ZNF577: variants seen among roughly 807,000 people sequenced by gnomAD.
ZNF577 encodes the protein zinc finger protein 577.
A neutral mutation model predicts 13.9 loss-of-function variants in ZNF577; 14 were observed. The observed-to-expected ratio is 1.00, with a 90% CI of 0.66 to 1.57. ZNF577 has a LOEUF of 1.57. ZNF577 is among the 40% of genes most tolerant of loss of function. The pLI is 0.00. For synonymous variants in ZNF577, 203 were observed against 202.9 expected (o/e 1.00, Z 0.00); for missense variants, 555 against 579.2 (o/e 0.96, Z 0.43).
At position 51,857,330 on chromosome 19, in the gene ZNF577, AAAG is replaced by A. The variant is rs1347791605; in HGVS notation, c.284-12402_284-12400del. On this transcript the variant is annotated intron_variant and NMD_transcript_variant, in intron 5 of 10. Coordinates refer to the ZNF577 transcript ENST00000638827. ...AAGAAAGGAAGGAAAAGAAAAGGAG[AAAG>A]GAGAGAAAGAAAGAGAGAAAGAAAG... is the stretch of plus-strand genomic sequence containing the variant. Among the ~76,000 whole-genome samples the A allele has an allele frequency of 5.8e-4, 71 of 122,816 alleles. 1 individual carries two copies. The highest frequency in any genetic ancestry group is 2.3e-3 in the African/African-American group (66 of 28,100). The allele number at this position is 122,816 out of a possible 152,430, so 80.6% of individuals were successfully genotyped here.
intron 5 of ZNF577, among the ~76,000 whole-genome samples, chr19:51,846,139 G>A (rs746572894): frequency 6.6e-6 from 1 of 152,040 alleles, no homozygotes; most frequent in Non-Finnish European, 1.5e-5. Context: ...TCAGCCTCCT[G>A]AGTAGTTGGG....
rs2084969555 is a variant in ZNF577, at chr19:51,887,592, T to C, written c.-990A>G. ...AGAGCAGTCTCCAACACTGACACGA[T>C]TCGCTTCCCCACCACGACGCCCTAG... On this transcript the variant is annotated 5_prime_UTR_variant, in exon 1 of 6. Coordinates refer to ENST00000638348, the MANE Select transcript of ZNF577 (RefSeq NM_001370449.1). 6.6e-6 allele frequency: 1 copy of C among 151,786 alleles called. No homozygotes were observed. The highest frequency in any genetic ancestry group is 6.6e-5 in the Admixed American group (1 of 15,250). 9.4% of individuals were successfully genotyped at this position (151,786 alleles called of 1,614,324 possible). A position where few individuals can be genotyped will look rare whatever the true frequency, so the allele number is the denominator to read the frequency against.
rs1473203664 is a variant in ZNF577 at position 51,867,156 on chromosome 19, T to A, written c.*5376A>T. ...TTACCTGAATCTTGATTTTATGGTT[T>A]CTGTTTAGTTTTCCTTAAATTTTTA... On this transcript the variant is annotated 3_prime_UTR_variant, in exon 6 of 6. Coordinates refer to ENST00000638348, the MANE Select transcript of ZNF577 (RefSeq NM_001370449.1). 2.0e-5 allele frequency among the ~76,000 whole-genome samples: 3 copies of A among 152,256 alleles called. No individual in the cohort carries two copies. Among genetic ancestry groups the A allele is most frequent in the Non-Finnish European group, 4.4e-5 (3 of 68,054 alleles).
rs1315622230 is a variant in ZNF577 at position 51,878,477 on chromosome 19, G to A, written c.99C>T (p.Thr33=). Residue 33 remains threonine (T), a synonymous_variant, in exon 4 of 6, where the codon ACC becomes ACT. Coordinates refer to ENST00000638348, the MANE Select transcript of ZNF577 (RefSeq NM_001370449.1). ...LSFEDVAVGF[T]REEWQFLDQS... ...GGTCCAAAAACTGCCACTCCTCCCT[G>A]GTGAAGCCCACAGCCACATCTTCGA... 2 of 1,613,968 alleles carry A rather than the reference G, an allele frequency of 1.2e-6. No individual in the cohort carries two copies. Among genetic ancestry groups the A allele is most frequent in the East Asian group, 2.2e-5 (1 of 44,882 alleles).
At chr19:51,827,399 T>C (rs1179150668) in intron 9 of ZNF577, among the ~76,000 whole-genome samples, 1 of 152,236 alleles carries the variant, frequency 6.6e-6, no homozygotes, top group Non-Finnish European at 1.5e-5. Context: ...ACTTGATATG[T>C]TTCTTTCAAG....
At chr19:51,821,705 G>A (rs996452033) in intron 9 of ZNF577, among the ~76,000 whole-genome samples, 6 of 151,952 alleles carry the variant, frequency 3.9e-5, no homozygotes, top group Non-Finnish European at 7.4e-5. Flanking sequence ...GAGTTGCAAC[G>A]GTAGTGGCTC....
chr19:51,844,088 G>A (rs1286705540), intron 6 of ZNF577, among the ~76,000 whole-genome samples: 3 of 146,652 alleles, frequency 2.0e-5, no homozygotes, highest in East Asian at 2.0e-4. Context: ...AGTAAGTTAC[G>A]GTCAGAATTG....
intron 1 of ZNF577, among the ~76,000 whole-genome samples, chr19:51,883,741 A>G (rs959095762): frequency 6.6e-6 from 1 of 152,192 alleles, no homozygotes; most frequent in Non-Finnish European, 1.5e-5. Flanking sequence ...TGATGAGATG[A>G]TCAGAAAAAA....
chr19:51,814,727 G>C (rs1010519998), intron 9 of ZNF577, among the ~76,000 whole-genome samples: 3 of 151,936 alleles, frequency 2.0e-5, no homozygotes, highest in Admixed American at 6.5e-5. Context: ...CTCCTGACTC[G>C]GGTGATCTGC....
intron 3 of ZNF577, 138 bp downstream of exon 3, chr19:51,880,184 AC>A: frequency 1.1e-6 from 1 of 891,990 alleles, no homozygotes; most frequent in Non-Finnish European, 1.8e-6. Flanking sequence ...TCCTTAGCTT[AC>A]CCCACTAAAC....
At chr19:51,862,688 T>G (rs1230838608), downstream of ZNF577, 3 of 152,264 alleles carry the variant, frequency 2.0e-5, no homozygotes, top group Non-Finnish European at 4.4e-5. Context: ...TGAGGATAAC[T>G]GAGCTCAGAT....
At chr19:51,841,174 C>A (rs927126597) in intron 8 of ZNF577, among the ~76,000 whole-genome samples, 33 of 152,214 alleles carry the variant, frequency 2.2e-4, no homozygotes, top group African/African-American at 7.2e-4. Flanking sequence ...ACACCACTTT[C>A]CGCGGGAATC....
chr19:51,852,805 ATGTG>A lies in ZNF577; in HGVS notation c.284-7878_284-7875del, dbSNP rs1013400488. Among the ~76,000 whole-genome samples, 16 of 152,308 alleles carry A rather than the reference ATGTG, an allele frequency of 1.1e-4. No individual in the cohort carries two copies. The East Asian group carries it at 1.5e-3, about 15-fold the overall frequency. On this transcript the variant is annotated intron_variant and NMD_transcript_variant, in intron 5 of 10. Transcript: ENST00000638827. ...TGTTCCCATCACATGTTAAAATGTCATGTGTGTGTAATTGTGTTTAATATACTTT... is the reference window on the plus strand; with the variant it reads ...TGTTCCCATCACATGTTAAAATGTCATGTGTAATTGTGTTTAATATACTTT...
Position 51,873,357 on chromosome 19 carries a change from C to G in ZNF577, c.633G>C (p.Glu211Asp), listed in dbSNP as rs769410037. 7.7e-5 allele frequency: 124 copies of G among 1,614,050 alleles called. No homozygotes were observed. The highest frequency in any genetic ancestry group is 7.7e-5 in the Non-Finnish European group (91 of 1,180,040). Residue 211 changes from glutamate (E) to aspartate (D), a missense_variant, in exon 6 of 6, where the codon GAG becomes GAC. Transcript: ENST00000638348. ...CACATTCACTACATTCATGGGGCTT[C>G]TCTCCTGTGTGAGTTCTCTGATGCT... ...LTEHQRTHTG[E>D]KPHECSECGK... is the part of the protein sequence containing the mutation.
In ZNF577 at chr19:51,877,374, T is replaced by TA. The variant is rs769512704; in HGVS notation, c.190dup (p.Tyr64LeufsTer38). The TA allele has an allele frequency of 1.2e-6, 2 of 1,613,824 alleles. No homozygotes were observed. The highest frequency in any genetic ancestry group is 3.3e-5 in the Admixed American group (2 of 60,016). On this transcript the variant is annotated frameshift_variant, in exon 5 of 6. Coordinates refer to ENST00000638348, the MANE Select transcript of ZNF577 (RefSeq NM_001370449.1). LOFTEE classifies it high-confidence loss of function. The stretch of plus-strand genomic sequence containing the variant: ...GAGCGAATCTGGCTTGGTGCCTCGA[T>TA]ACCCTGTAAATGGGAGATCACTGAA...
At chr19:51,856,404 C>T (rs1458991471) in intron 5 of ZNF577, among the ~76,000 whole-genome samples, 1 of 152,176 alleles carries the variant, frequency 6.6e-6, no homozygotes, top group Non-Finnish European at 1.5e-5. Flanking sequence ...TATTTCTACC[C>T]AACCTCACCT....
intron 5 of ZNF577, among the ~76,000 whole-genome samples, chr19:51,850,707 T>A (rs1369614040): frequency 6.6e-6 from 1 of 152,214 alleles, no homozygotes; most frequent in Non-Finnish European, 1.5e-5. Context: ...TTACAGTTGG[T>A]ATTATTATAA....
At chr19:51,823,838 G>C (rs1257247530) in intron 9 of ZNF577, 1 of 1,613,976 alleles carries the variant, frequency 6.2e-7, no homozygotes, top group Admixed American at 1.7e-5. Flanking sequence ...TCTTCTCATT[G>C]CTAGTCCACG....
intron 3 of ZNF577, 71 bp from the exon 4 acceptor site, chr19:51,878,586 T>A (rs1169282966): frequency 1.0e-5 from 16 of 1,574,704 alleles, no homozygotes; most frequent in Non-Finnish European, 6.9e-6. Flanking sequence ...GACGGGGACA[T>A]GTCTTGATCC....
Sources: allele counts gnomAD v4.1 joint callset (sites outside exome capture counted in the v4.1 genomes callset), GRCh38; gene constraint gnomAD v4.1.1; transcripts MANE v1.5; gene names NCBI Gene and HGNC (gene_info 2026-07-23, HGNC 2026-07-21).